The following SDK1 variants were observed in gnomAD, a reference collection of about 807,000 sequenced individuals.
The protein encoded by SDK1 is protein sidekick-1.
In SDK1, 157 loss-of-function variants were observed where a neutral mutation model predicts 245.5. The observed-to-expected ratio is 0.64, with a 90% confidence interval of 0.56 to 0.73. SDK1 has a LOEUF of 0.73. SDK1 is among the 30% of genes least tolerant of loss of function. The pLI is 0.00. For synonymous variants in SDK1, 1,647 were observed against 1,278.5 expected, an observed-to-expected ratio of 1.29 and a Z score of -6.15; for missense variants, 3,583 against 3,002.3, an observed-to-expected ratio of 1.19 and a Z score of -4.52.
At position 3,672,779 on chromosome 7, in the gene SDK1, A is replaced by ATATG. The variant is rs1176302744; in HGVS notation, c.713+30677_713+30678insGTAT. ...TAATTTTATATATATATATATATAT[A>ATATG]TATATATATATATATAAAAAATACA... On this transcript the variant is annotated intron_variant, in intron 4 of 44. Coordinates refer to ENST00000404826, the MANE Select transcript of SDK1 (RefSeq NM_152744.4). Among the ~76,000 whole-genome samples, 29 of 100,422 alleles carry ATATG rather than the reference A, an allele frequency of 2.9e-4. 1 individual carries two copies. Among genetic ancestry groups the ATATG allele is most frequent in the East Asian group, 2.4e-3 (8 of 3,344 alleles). The allele number at this position is 100,422 out of a possible 152,430, so 65.9% of individuals were successfully genotyped here.
intron 5 of SDK1, among the ~76,000 whole-genome samples, chr7:3,846,733 C>G (rs1780288259): frequency 6.6e-6 from 1 of 152,178 alleles, no homozygotes; most frequent in Non-Finnish European, 1.5e-5. Flanking sequence ...TATCTGGAAC[C>G]CTGTGAGCAC....
At chr7:3,785,413 C>T (rs544988442) in intron 4 of SDK1, among the ~76,000 whole-genome samples, 1 of 152,094 alleles carries the variant, frequency 6.6e-6, no homozygotes, top group South Asian at 2.1e-4. Flanking sequence ...TTAATTATTC[C>T]ACATTTTATT....
intron 17 of SDK1, among the ~76,000 whole-genome samples, chr7:4,043,696 G>A (rs560855299): frequency 1.3e-5 from 2 of 152,332 alleles, no homozygotes; most frequent in South Asian, 2.1e-4. Flanking sequence ...TGAATCTGCA[G>A]GAAATGACTA....
At chr7:3,800,896 A>G (rs1413077236) in intron 4 of SDK1, among the ~76,000 whole-genome samples, 1 of 152,180 alleles carries the variant, frequency 6.6e-6, no homozygotes, top group East Asian at 1.9e-4. Flanking sequence ...GTCTTGGCCT[A>G]GTGGACTTGT....
At chr7:3,826,279 A>T (rs1779772938) in intron 5 of SDK1, among the ~76,000 whole-genome samples, 1 of 152,220 alleles carries the variant, frequency 6.6e-6, no homozygotes, top group African/African-American at 2.4e-5. Flanking sequence ...AGAGGACGGG[A>T]ATCAGCAGTG....
chr7:4,040,682 G>C (rs2128162163), intron 17 of SDK1, among the ~76,000 whole-genome samples: 1 of 152,238 alleles, frequency 6.6e-6, no homozygotes, highest in South Asian at 2.1e-4. Context: ...ATTTGCATAA[G>C]GCACAAAAAA....
intron 20 of SDK1, among the ~76,000 whole-genome samples, chr7:4,069,090 A>C (rs1780079489): frequency 6.6e-6 from 1 of 152,218 alleles, no homozygotes; most frequent in Non-Finnish European, 1.5e-5. Context: ...TCAAAAAAAA[A>C]ATCTTGGTTT....
At chr7:4,037,532 G>A (rs780846294) in intron 17 of SDK1, among the ~76,000 whole-genome samples, 90 of 152,118 alleles carry the variant, frequency 5.9e-4, no homozygotes, top group Non-Finnish European at 1.1e-3. Flanking sequence ...TGGGAGGATC[G>A]CCTGAGCCTG....
chr7:3,302,659 A>G (rs551989785), intron 1 of SDK1, among the ~76,000 whole-genome samples: 21 of 146,430 alleles, frequency 1.4e-4, no homozygotes, highest in African/African-American at 4.8e-4. Flanking sequence ...CCTGCCAGCT[A>G]GCATCGTTTT....
chr7:4,168,413 G>A (rs1245462632), intron 32 of SDK1, among the ~76,000 whole-genome samples: 2 of 152,208 alleles, frequency 1.3e-5, no homozygotes, highest in African/African-American at 2.4e-5. Context: ...CATTCGCCTA[G>A]GCTAGAAATA....
intron 16 of SDK1, among the ~76,000 whole-genome samples, chr7:4,012,870 C>T (rs944080090): frequency 2.2e-4 from 34 of 152,062 alleles, no homozygotes; most frequent in African/African-American, 8.0e-4. Flanking sequence ...AGGCACTGCA[C>T]CTGGCCTCAT....
At chr7:3,432,185 A>G (rs1295539542) in intron 1 of SDK1, among the ~76,000 whole-genome samples, 1 of 150,222 alleles carries the variant, frequency 6.7e-6, no homozygotes, top group African/African-American at 2.4e-5. Flanking sequence ...ATATCCCCAT[A>G]CCTGAAGATT....
At chr7:3,445,838 G>C (rs1780325493) in intron 1 of SDK1, among the ~76,000 whole-genome samples, 1 of 151,848 alleles carries the variant, frequency 6.6e-6, no homozygotes, top group Admixed American at 6.6e-5. Flanking sequence ...CCATATTTTT[G>C]CTTATGTTTT....
Position 3,873,993 on chromosome 7 carries a change from T to A in SDK1, c.847+52410T>A, listed in dbSNP as rs148564239. Among the ~76,000 whole-genome samples the A allele has an allele frequency of 6.4e-3, 981 of 152,342 alleles. 18 individuals carry two copies. The highest frequency in any genetic ancestry group is 0.022 in the African/African-American group (918 of 41,572). On this transcript the variant is annotated intron_variant, in intron 5 of 44. Coordinates refer to ENST00000404826, the MANE Select transcript of SDK1 (RefSeq NM_152744.4). ...TGTGGAGTATTTTTCCTTGCTTTTT[T>A]TCATATGCCTCATAATAGTTTTGTT...
intron 40 of SDK1, chr7:4,227,178 A>G (rs2087128924): frequency 6.3e-6 from 2 of 318,280 alleles, no homozygotes; most frequent in South Asian, 2.7e-5. Context: ...TTTGACATCC[A>G]TAGAAGTTCC....
intron 19 of SDK1, among the ~76,000 whole-genome samples, chr7:4,065,710 T>C (rs979470182): frequency 2.4e-5 from 2 of 83,160 alleles, no homozygotes; most frequent in African/African-American, 2.6e-4. Flanking sequence ...TTTTTTTTTT[T>C]TTTTTTTTTT....
At chr7:3,679,101 T>G (rs1332390025) in intron 4 of SDK1, among the ~76,000 whole-genome samples, 1 of 152,130 alleles carries the variant, frequency 6.6e-6, no homozygotes, top group Non-Finnish European at 1.5e-5. Context: ...CAAAATAAAT[T>G]GAATTTGATC....
At position 4,051,719 on chromosome 7, in the gene SDK1, C is replaced by G. The variant is rs983569335; in HGVS notation, c.2800C>G (p.His934Asp). Residue 934 changes from histidine to aspartate, a missense_variant, in exon 19 of 45, where the codon CAC becomes GAC. By Grantham distance (81) the His-to-Asp change is moderately conservative. Transcript: ENST00000404826. ...AGATTTCCACGGAGTCCACCATGGACACATAACGAACCTGAAGAAGTTTAC... is the reference window on the plus strand; with the variant it reads ...AGATTTCCACGGAGTCCACCATGGAGACATAACGAACCTGAAGAAGTTTAC... ...APDFHGVHHG[H>D]ITNLKKFTAY... 1 of 1,613,996 alleles carries G rather than the reference C, an allele frequency of 6.2e-7. No homozygotes were observed. The highest frequency in any genetic ancestry group is 1.6e-4 in the Middle Eastern group (1 of 6,062).
chr7:3,335,231 A>C (rs1780169205), intron 1 of SDK1, among the ~76,000 whole-genome samples: 1 of 152,184 alleles, frequency 6.6e-6, no homozygotes, highest in African/African-American at 2.4e-5. Flanking sequence ...TGCACTTAGA[A>C]TACAATTTAA....
Sources: gnomAD v4.1 joint callset for allele counts (sites outside exome capture counted in the v4.1 genomes callset) on GRCh38, gnomAD v4.1.1 for gene constraint, MANE v1.5 for transcripts, NCBI Gene and HGNC (gene_info 2026-07-23, HGNC 2026-07-21) for gene names.